The following CDK14 variants were observed in gnomAD, a reference collection of about 807,000 sequenced individuals.
The protein encoded by CDK14 is cyclin dependent kinase 14.
A neutral mutation model predicts 60.7 loss-of-function variants in CDK14; 34 were observed. The observed-to-expected ratio is 0.56, with a 90% confidence interval of 0.43 to 0.75. The LOEUF is 0.75. Among genes scored for constraint, CDK14 ranks in the 30% least tolerant of loss-of-function variants. CDK14 has a pLI of 0.00. For missense variants in CDK14, 482 were observed against 564.1 expected, an observed-to-expected ratio of 0.85 and a Z score of 1.47; for synonymous variants, 197 against 203.7, an observed-to-expected ratio of 0.97 and a Z score of 0.28.
At chr7:90,983,503 C>A (rs35332418) in intron 9 of CDK14, among the ~76,000 whole-genome samples, 7,910 of 152,012 alleles carry the variant, frequency 0.052, 306 homozygotes, top group Non-Finnish European at 0.079. Flanking sequence ...CACGGTGAAA[C>A]CCCGTCTCTA....
chr7:90,779,545 C>T (rs563162178), intron 4 of CDK14, among the ~76,000 whole-genome samples: 1 of 152,072 alleles, frequency 6.6e-6, no homozygotes, highest in African/African-American at 2.4e-5. Context: ...TGAGATTTTC[C>T]CTTATCACAT....
intron 5 of CDK14, among the ~76,000 whole-genome samples, chr7:90,796,302 C>T (rs1305738134): frequency 6.6e-6 from 1 of 152,112 alleles, no homozygotes; most frequent in African/African-American, 2.4e-5. Context: ...ATAAGTCAGT[C>T]ATTCAGTGTG....
intron 12 of CDK14, among the ~76,000 whole-genome samples, chr7:91,092,484 C>T (rs1334769827): frequency 1.3e-5 from 2 of 152,202 alleles, no homozygotes; most frequent in Non-Finnish European, 2.9e-5. Context: ...TAGTAATGAA[C>T]TTTAAGACTG....
rs117267587 is a variant in CDK14, at chr7:90,686,275, A to G, written c.124-40292A>G. 3.2e-4 allele frequency among the ~76,000 whole-genome samples: 49 copies of G among 152,236 alleles called. No individual in the cohort carries two copies. In the East Asian group the frequency reaches 9.1e-3, roughly 28 times the overall value. On this transcript the variant is annotated intron_variant, in intron 2 of 14. Coordinates refer to ENST00000380050, the MANE Select transcript of CDK14 (RefSeq NM_001287135.2). ...CAGTTAACTTCTGTGGTTTCCAAATATTGAGTCATTTATCTCTAAATAAAT... is the reference window on the plus strand; with the variant it reads ...CAGTTAACTTCTGTGGTTTCCAAATGTTGAGTCATTTATCTCTAAATAAAT...
chr7:90,718,548 T>A (rs1258512479), intron 2 of CDK14, among the ~76,000 whole-genome samples: 1 of 152,274 alleles, frequency 6.6e-6, no homozygotes, highest in South Asian at 2.1e-4. Flanking sequence ...TTCTGACTTC[T>A]ATGGGCAGTA....
intron 5 of CDK14, among the ~76,000 whole-genome samples, chr7:90,838,236 ATTAG>A (rs1790177908): frequency 6.6e-6 from 1 of 152,222 alleles, no homozygotes; most frequent in African/African-American, 2.4e-5. Context: ...ATGGACATTT[ATTAG>A]TTCCCAAAAT....
At chr7:90,616,730 T>C (rs2116357789) in intron 2 of CDK14, among the ~76,000 whole-genome samples, 1 of 152,324 alleles carries the variant, frequency 6.6e-6, no homozygotes, top group Admixed American at 6.5e-5. Context: ...CAGTGTACAT[T>C]GCACTAATTT....
chr7:90,798,738 G>T (rs1788529120), intron 5 of CDK14, among the ~76,000 whole-genome samples: 1 of 152,192 alleles, frequency 6.6e-6, no homozygotes, highest in South Asian at 2.1e-4. Context: ...TATGTCCAAA[G>T]ATGTACTTTG....
intron 2 of CDK14, among the ~76,000 whole-genome samples, chr7:90,714,257 A>G (rs1054977364): frequency 2.0e-5 from 3 of 152,094 alleles, no homozygotes; most frequent in African/African-American, 7.2e-5. Flanking sequence ...TTGCCCCAGC[A>G]GCTTATTCCT....
chr7:91,016,444 CTAGA>C (rs1796305758), intron 10 of CDK14, among the ~76,000 whole-genome samples: 1 of 152,108 alleles, frequency 6.6e-6, no homozygotes, highest in African/African-American at 2.4e-5. Flanking sequence ...GTACAATGAA[CTAGA>C]TAGATACTTA....
intron 9 of CDK14, among the ~76,000 whole-genome samples, chr7:90,960,209 C>A (rs1316086777): frequency 6.6e-6 from 1 of 151,966 alleles, no homozygotes; most frequent in East Asian, 1.9e-4. Flanking sequence ...GACTAAGTCA[C>A]CTGCAGCAAA....
intron 11 of CDK14, among the ~76,000 whole-genome samples, chr7:91,062,873 C>G (rs1159151894): frequency 6.6e-6 from 1 of 152,198 alleles, no homozygotes; most frequent in African/African-American, 2.4e-5. Context: ...TTCTGGGCTT[C>G]TAGCTGCAGG....
At chr7:90,637,290 C>G (rs1422958389) in intron 2 of CDK14, among the ~76,000 whole-genome samples, 5 of 148,202 alleles carry the variant, frequency 3.4e-5, no homozygotes, top group Admixed American at 6.8e-5. Context: ...AAATTTCCCT[C>G]TACACACTGC....
chr7:90,845,571 A>G (rs1584038318), intron 5 of CDK14, among the ~76,000 whole-genome samples: 2 of 151,920 alleles, frequency 1.3e-5, no homozygotes, highest in Admixed American at 6.6e-5. Context: ...CATGTATGGC[A>G]TATAGGCAGG....
chr7:90,736,408 T>A (rs187649504), intron 3 of CDK14, among the ~76,000 whole-genome samples: 1 of 142,972 alleles, frequency 7.0e-6, no homozygotes, highest in Non-Finnish European at 1.5e-5. Flanking sequence ...GATTCTGAAT[T>A]GGGCAGAAAA....
At chr7:91,001,561 C>T (rs1034778614) in intron 10 of CDK14, among the ~76,000 whole-genome samples, 3 of 152,092 alleles carry the variant, frequency 2.0e-5, no homozygotes, top group Non-Finnish European at 4.4e-5. Context: ...TTTATTGTTT[C>T]TTTCATGGGA....
intron 12 of CDK14, among the ~76,000 whole-genome samples, chr7:91,100,930 A>C (rs999936637): frequency 3.9e-5 from 6 of 152,158 alleles, no homozygotes; most frequent in African/African-American, 1.4e-4. Context: ...CATCAGGTAG[A>C]GTTGACTGCA....
rs879533968 is a variant in CDK14 at position 91,209,540 on chromosome 7, A to C, written c.*2404A>C. ...TCCTTGTGGGCAGTCATGAAAATCA[A>C]TTCAGACTGTGTTGATTAGCAGATT... On this transcript the variant is annotated 3_prime_UTR_variant, in exon 15 of 15. Transcript: ENST00000380050. 2 of 152,542 alleles carry C rather than the reference A, an allele frequency of 1.3e-5. No individual in the cohort carries two copies. The highest frequency in any genetic ancestry group is 2.9e-5 in the Non-Finnish European group (2 of 68,038). The allele number at this position is 152,542 out of a possible 1,614,324, so 9.4% of individuals were successfully genotyped here. A position where few individuals can be genotyped will look rare whatever the true frequency, so the allele number is the denominator to read the frequency against.
chr7:90,844,903 A>C (rs1216384109), intron 5 of CDK14, among the ~76,000 whole-genome samples: 2 of 152,102 alleles, frequency 1.3e-5, no homozygotes, highest in African/African-American at 2.4e-5. Context: ...ATCTCTGTGG[A>C]GCTCTCTCCT....
Sources: gnomAD v4.1 joint callset for allele counts (sites outside exome capture counted in the v4.1 genomes callset) on GRCh38, gnomAD v4.1.1 for gene constraint, MANE v1.5 for transcripts, NCBI Gene and HGNC (gene_info 2026-07-23, HGNC 2026-07-21) for gene names.